The following SIM2 variants were observed in gnomAD, a reference collection of about 807,000 sequenced individuals.
The protein encoded by SIM2 is single-minded homolog 2.
A neutral mutation model predicts 64.8 loss-of-function variants in SIM2; 28 were observed. The observed-to-expected ratio is 0.43, with a 90% CI of 0.32 to 0.59. The LOEUF (loss-of-function observed/expected upper bound fraction) is 0.59. SIM2 is among the 20% of genes least tolerant of loss of function. The pLI, the probability that SIM2 is intolerant of heterozygous loss-of-function variation, is 0.07. For synonymous variants in SIM2, 408 were observed against 391.1 expected (o/e 1.04, Z -0.51); for missense variants, 847 against 871.4 (o/e 0.97, Z 0.35).
rs138051499 is a variant in SIM2, at chr21:36,744,424, GAAAGAAAGAAAAAC to G, written c.1168-292_1168-279del. On this transcript the variant is annotated intron_variant, in intron 9 of 10. Transcript: ENST00000290399. ...AGGAAGAAAAGAAAAAAGAAATAAAGAAAGAAAGAAAAACAAAGAAAGAAAGAGAAAGAAGGAAA... is the reference window on the plus strand; with the variant it reads ...AGGAAGAAAAGAAAAAAGAAATAAAGAAAGAAAGAAAGAGAAAGAAGGAAA... 8.9e-3 allele frequency among the ~76,000 whole-genome samples: 1,346 copies of G among 151,064 alleles called. 35 individuals are homozygous for G. In the East Asian group the frequency reaches 0.095, roughly 11 times the overall value.
intron 1 of SIM2, chr21:36,701,668 C>G (rs1234566435): frequency 2.0e-5 from 3 of 152,414 alleles, no homozygotes; most frequent in South Asian, 2.1e-4. Flanking sequence ...GCCCCTCCAG[C>G]TGAGAGCTGT....
intron 7 of SIM2, among the ~76,000 whole-genome samples, chr21:36,732,500 C>T (rs1386929249): frequency 6.6e-6 from 1 of 152,198 alleles, no homozygotes; most frequent in African/African-American, 2.4e-5. Context: ...GACCCGGGAA[C>T]TCGATACTCC....
At chr21:36,701,842 G>A (rs1347083964) in intron 1 of SIM2, among the ~76,000 whole-genome samples, 1 of 152,218 alleles carries the variant, frequency 6.6e-6, no homozygotes, top group Non-Finnish European at 1.5e-5. Flanking sequence ...GGGAAGAGCC[G>A]TTCCTTAACC....
intron 3 of SIM2, among the ~76,000 whole-genome samples, chr21:36,719,371 T>C (rs569514627): frequency 6.6e-6 from 1 of 152,236 alleles, no homozygotes; most frequent in Admixed American, 6.5e-5. Context: ...TGGACAACAC[T>C]TCCACAGGGA....
intron 3 of SIM2, among the ~76,000 whole-genome samples, chr21:36,716,031 G>C (rs2088742162): frequency 6.6e-6 from 1 of 152,336 alleles, no homozygotes; most frequent in Admixed American, 6.5e-5. Context: ...TTAGGCAGTA[G>C]AGAGGCAGGC....
chr21:36,716,772 G>C (rs2088752080), intron 3 of SIM2, among the ~76,000 whole-genome samples: 1 of 152,104 alleles, frequency 6.6e-6, no homozygotes, highest in African/African-American at 2.4e-5. Flanking sequence ...AGTTAGCAGG[G>C]TTTTGCAAAT....
rs979866344 is a variant in SIM2 at position 36,726,723 on chromosome 21, T to G, written c.743+405T>G. ...GAGGACTTTAGAACAAACAGAAAAT[T>G]TCCACCCTGTGTGCGGTGTGTGGGG... On this transcript the variant is annotated intron_variant, in intron 6 of 10. Coordinates refer to ENST00000290399, the MANE Select transcript of SIM2 (RefSeq NM_005069.6). This position sits in a 1 kb window ranked among gnomAD's most constrained non-coding sequence, Gnocchi z 4.5. Among the ~76,000 whole-genome samples, 3 of 152,138 alleles carry G rather than the reference T, an allele frequency of 2.0e-5. No individual in the cohort carries two copies. The highest frequency in any genetic ancestry group is 7.2e-5 in the African/African-American group (3 of 41,426).
At chr21:36,724,064 G>T (rs1458303002) in intron 5 of SIM2, among the ~76,000 whole-genome samples, 1 of 152,230 alleles carries the variant, frequency 6.6e-6, no homozygotes, top group African/African-American at 2.4e-5. Context: ...AGGAGGATGG[G>T]GTGAGAGGAA....
In SIM2 at chr21:36,747,557, G is replaced by A; in HGVS notation, c.1577-108G>A. The A allele has an allele frequency of 4.1e-6, 3 of 724,588 alleles. No homozygotes were observed. Among genetic ancestry groups the A allele is most frequent in the Non-Finnish European group, 5.4e-6 (3 of 556,864 alleles). The allele number at this position is 724,588 out of a possible 1,614,324, so 44.9% of individuals were successfully genotyped here. Reference sequence around the variant, plus strand: ...GGGGAGGGCGACAGCGACCCCGCGGGTGCAGCGCGTGGGCGGCCGAGGGGT... The same window carrying A: ...GGGGAGGGCGACAGCGACCCCGCGGATGCAGCGCGTGGGCGGCCGAGGGGT... On this transcript the variant is annotated intron_variant, in intron 10 of 10. Coordinates refer to ENST00000290399, the MANE Select transcript of SIM2 (RefSeq NM_005069.6). This position sits in a 1 kb window ranked among gnomAD's most constrained non-coding sequence, Gnocchi z 4.5.
At chr21:36,741,352 G>A (rs1043415024) in intron 7 of SIM2, among the ~76,000 whole-genome samples, 1 of 152,094 alleles carries the variant, frequency 6.6e-6, no homozygotes, top group African/African-American at 2.4e-5. Flanking sequence ...AAGGATTTGG[G>A]GATTAAAACA....
chr21:36,721,734 C>A (rs2088824608), intron 4 of SIM2, among the ~76,000 whole-genome samples: 1 of 152,120 alleles, frequency 6.6e-6, no homozygotes, highest in Admixed American at 6.6e-5. Flanking sequence ...CCGTGCCTGG[C>A]CTGAAAATTG....
At position 36,712,571 on chromosome 21, in the gene SIM2, C is replaced by T. The variant is rs765963299; in HGVS notation, c.297C>T (p.Gly99=). The T allele has an allele frequency of 6.2e-7, 1 of 1,613,644 alleles. No homozygotes were observed. Among genetic ancestry groups the T allele is most frequent in the Non-Finnish European group, 8.5e-7 (1 of 1,179,758 alleles). ...DGFVFVVASD[G]KIMYISETAS... is the part of the protein sequence containing the mutation. ...TTGTTTTTGTGGTAGCATCTGATGG[C>T]AAAATCATGTATATATCCGAGACCG... is the stretch of plus-strand genomic sequence containing the variant. Residue 99 remains glycine, a synonymous_variant, in exon 3 of 11, where the codon GGC becomes GGT. Coordinates refer to ENST00000290399, the MANE Select transcript of SIM2 (RefSeq NM_005069.6).
chr21:36,700,557 T>C (rs1384715192), intron 1 of SIM2, among the ~76,000 whole-genome samples: 1 of 152,172 alleles, frequency 6.6e-6, no homozygotes, highest in African/African-American at 2.4e-5. Context: ...ATTCCCTTTA[T>C]TTTTCCTTCA....
At chr21:36,717,574 T>A (rs1280826173) in intron 3 of SIM2, among the ~76,000 whole-genome samples, 2 of 151,890 alleles carry the variant, frequency 1.3e-5, no homozygotes, top group Non-Finnish European at 2.9e-5. Context: ...CGGCTTCCCT[T>A]GTAGCTGGGA....
In SIM2 at chr21:36,744,312, A is replaced by C. The variant is rs112709241; in HGVS notation, c.1168-416A>C. Among the ~76,000 whole-genome samples, 475 of 72,232 alleles carry C rather than the reference A, an allele frequency of 6.6e-3. 2 individuals carry two copies. Among genetic ancestry groups the C allele is most frequent in the African/African-American group, 0.018 (211 of 11,722 alleles). The allele number at this position is 72,232 out of a possible 152,430, so 47.4% of individuals were successfully genotyped here. A position where few individuals can be genotyped will look rare whatever the true frequency, so the allele number is the denominator to read the frequency against. On this transcript the variant is annotated intron_variant, in intron 9 of 10. Transcript: ENST00000290399. ...AACGTCACGGCCTCCACATTATGACAAAAAAAAAAAAAAAAAGAAAGAAGG... is the reference window on the plus strand; with the variant it reads ...AACGTCACGGCCTCCACATTATGACCAAAAAAAAAAAAAAAAGAAAGAAGG...
At position 36,726,519 on chromosome 21, in the gene SIM2, T is replaced by G. The variant is rs2088893256; in HGVS notation, c.743+201T>G. The stretch of plus-strand genomic sequence containing the variant: ...CAAGGGCTTGTTTTACTTTATTTAC[T>G]TATTGATTTACTTATTTTATTTACT... On this transcript the variant is annotated intron_variant, in intron 6 of 10. Coordinates refer to ENST00000290399, the MANE Select transcript of SIM2 (RefSeq NM_005069.6). This position sits in a 1 kb window ranked among gnomAD's most constrained non-coding sequence, Gnocchi z 4.5. Among the ~76,000 whole-genome samples, 1 of 152,262 alleles carries G rather than the reference T, an allele frequency of 6.6e-6. No individual in the cohort carries two copies. The highest frequency in any genetic ancestry group is 6.5e-5 in the Admixed American group (1 of 15,288).
chr21:36,707,371 C>T (rs949737632), intron 1 of SIM2, among the ~76,000 whole-genome samples: 1 of 152,146 alleles, frequency 6.6e-6, no homozygotes, highest in African/African-American at 2.4e-5. Flanking sequence ...GCTGTGATCA[C>T]GGTGGTGATG....
chr21:36,721,617 A>G (rs1462181581), intron 4 of SIM2, among the ~76,000 whole-genome samples: 1 of 151,830 alleles, frequency 6.6e-6, no homozygotes, highest in East Asian at 1.9e-4. Flanking sequence ...ATTTTTTTGT[A>G]TTTTTATTAG....
chr21:36,709,825 TTTTG>T (rs901198009), intron 2 of SIM2: 101 of 231,964 alleles, frequency 4.4e-4, no homozygotes, highest in East Asian at 1.1e-3. Context: ...TTGTTTTGTT[TTTTG>T]TTTGTTTGTT....
Sources: allele counts gnomAD v4.1 joint callset (sites outside exome capture counted in the v4.1 genomes callset), GRCh38; gene constraint gnomAD v4.1.1; non-coding constraint Gnocchi (gnomAD v3.1); transcripts MANE v1.5; gene names NCBI Gene and HGNC (gene_info 2026-07-23, HGNC 2026-07-21).